Variants in GABPA observed in about 807,000 individuals in gnomAD.
GABPA encodes GA-binding protein alpha chain.
In GABPA, 4 loss-of-function variants were observed where a neutral mutation model predicts 59.4. That is an observed-to-expected ratio of 0.07 (90% CI 0.03 to 0.15). The LOEUF is 0.15. Ranked by LOEUF, GABPA falls within the 10% of genes least tolerant of loss-of-function variation. GABPA has a pLI of 1.00. For missense variants in GABPA, 251 were observed against 543.8 expected (o/e 0.46, Z 5.36); for synonymous variants, 164 against 183.1 (o/e 0.90, Z 0.84).
intron 5 of GABPA, among the ~76,000 whole-genome samples, chr21:25,755,170 C>T (rs1418567533): frequency 2.0e-5 from 3 of 151,308 alleles, no homozygotes; most frequent in Non-Finnish European, 1.5e-5. Flanking sequence ...AATTTCAGGC[C>T]AGGTGTGTTG....
At position 25,739,735 on chromosome 21, in the gene GABPA, C is replaced by T. The variant is rs937032687; in HGVS notation, c.-26-1838C>T. ...TCTCAAGCGATCTTCTCACTTCAGC[C>T]TCCCAAGTAGCTAGGACAACAGTTG... On this transcript the variant is annotated intron_variant, in intron 1 of 9. Coordinates refer to ENST00000400075, the MANE Select transcript of GABPA (RefSeq NM_002040.4). Among the ~76,000 whole-genome samples the T allele has an allele frequency of 3.4e-4, 52 of 152,218 alleles. 1 individual carries two copies. Among genetic ancestry groups the T allele is most frequent in the Admixed American group, 9.8e-4 (15 of 15,286 alleles).
chr21:25,750,918 A>G (rs71649694), intron 4 of GABPA, among the ~76,000 whole-genome samples: 1,755 of 152,308 alleles, frequency 0.012, 36 homozygotes, highest in African/African-American at 0.04. Context: ...GTATATTTGA[A>G]AAATGATTCT....
At chr21:25,752,280 A>T (rs2035531877) in intron 5 of GABPA, 46 bp downstream of exon 5, 1 of 1,577,686 alleles carries the variant, frequency 6.3e-7, no homozygotes. Context: ...ATAGGAATTA[A>T]GCTTGACATA....
chr21:25,737,127 A>T (rs1439086138), intron 1 of GABPA, among the ~76,000 whole-genome samples: 1 of 152,240 alleles, frequency 6.6e-6, no homozygotes, highest in Non-Finnish European at 1.5e-5. Flanking sequence ...TTTAGTTTGT[A>T]TCCCATCTTG....
chr21:25,741,283 G>A (rs1292047361), intron 1 of GABPA, among the ~76,000 whole-genome samples: 2 of 151,956 alleles, frequency 1.3e-5, no homozygotes, highest in Non-Finnish European at 2.9e-5. Context: ...ACAGGCGCGT[G>A]CCACCACGCC....
intron 5 of GABPA, among the ~76,000 whole-genome samples, chr21:25,754,013 T>C (rs953490178): frequency 5.9e-5 from 9 of 152,116 alleles, no homozygotes; most frequent in Non-Finnish European, 1.3e-4. Context: ...AGACAGCTAA[T>C]GTAGAATTTC....
chr21:25,761,934 C>A (rs977384186), intron 6 of GABPA, among the ~76,000 whole-genome samples: 1 of 152,064 alleles, frequency 6.6e-6, no homozygotes, highest in Non-Finnish European at 1.5e-5. Context: ...GGTGGAGATA[C>A]GTACCTAAAT....
chr21:25,756,688 A>G (rs1023916625), intron 5 of GABPA, among the ~76,000 whole-genome samples: 1 of 152,128 alleles, frequency 6.6e-6, no homozygotes, highest in African/African-American at 2.4e-5. Flanking sequence ...AGCTAAGACC[A>G]TGGAGGTCTT....
At chr21:25,768,932 G>C in intron 9 of GABPA, 72 bp from the exon 10 acceptor site, 1 of 984,888 alleles carries the variant, frequency 1.0e-6, no homozygotes, top group Admixed American at 1.9e-5. Context: ...TCTGCTTATG[G>C]AATAGTCTGT....
intron 6 of GABPA, among the ~76,000 whole-genome samples, chr21:25,758,936 G>T (rs1028982102): frequency 6.6e-6 from 1 of 152,122 alleles, no homozygotes; most frequent in Non-Finnish European, 1.5e-5. Flanking sequence ...CGGACAAGGT[G>T]GTGCGTGTCT....
chr21:25,761,935 G>T (rs186112979), intron 6 of GABPA, among the ~76,000 whole-genome samples: 10 of 152,066 alleles, frequency 6.6e-5, no homozygotes, highest in African/African-American at 2.4e-4. Context: ...GTGGAGATAC[G>T]TACCTAAATA....
Position 25,769,595 on chromosome 21 carries a change from C to G in GABPA, c.*363C>G, listed in dbSNP as rs1237549341. 1 of 165,322 alleles carries G rather than the reference C, an allele frequency of 6.0e-6. No individual in the cohort carries two copies. Among genetic ancestry groups the G allele is most frequent in the Non-Finnish European group, 1.3e-5 (1 of 75,550 alleles). The allele number at this position is 165,322 out of a possible 1,614,324, so 10.2% of individuals were successfully genotyped here. A position where few individuals can be genotyped will look rare whatever the true frequency, so the allele number is the denominator to read the frequency against. ...GAAGTATCTCTAGGAAACAGTCTGG[C>G]TTAACTATTTTTGAAAATATAACTG... On this transcript the variant is annotated 3_prime_UTR_variant, in exon 10 of 10. Coordinates refer to ENST00000400075, the MANE Select transcript of GABPA (RefSeq NM_002040.4).
Position 25,770,408 on chromosome 21 carries a change from A to G in GABPA, c.*1176A>G, listed in dbSNP as rs2035986320. ...AAATTATTAAACAACTCATTTTAAG[A>G]TTCAAATTAACTAATTCCTGCATAT... On this transcript the variant is annotated 3_prime_UTR_variant, in exon 10 of 10. Transcript: ENST00000400075. 6.6e-6 allele frequency: 1 copy of G among 152,158 alleles called. No homozygotes were observed. The highest frequency in any genetic ancestry group is 2.1e-4 in the South Asian group (1 of 4,828). The allele number at this position is 152,158 out of a possible 1,614,324, so 9.4% of individuals were successfully genotyped here.
chr21:25,759,682 A>G (rs1261482175), intron 6 of GABPA, among the ~76,000 whole-genome samples: 1 of 152,044 alleles, frequency 6.6e-6, no homozygotes, highest in Non-Finnish European at 1.5e-5. Flanking sequence ...CATTCTTACT[A>G]GATAAGTAAG....
In GABPA at chr21:25,770,685, G is replaced by C. The variant is rs1299338622; in HGVS notation, c.*1453G>C. 1 of 152,150 alleles carries C rather than the reference G, an allele frequency of 6.6e-6. No individual in the cohort carries two copies. The highest frequency in any genetic ancestry group is 1.5e-5 in the Non-Finnish European group (1 of 67,912). The allele number at this position is 152,150 out of a possible 1,614,324, so 9.4% of individuals were successfully genotyped here. On this transcript the variant is annotated 3_prime_UTR_variant, in exon 10 of 10. Coordinates refer to ENST00000400075, the MANE Select transcript of GABPA (RefSeq NM_002040.4). ...TCAGTTAATGCTTTTGACTTAACTA[G>C]GAGAAAAAGGCATGATAATACAGGC...
chr21:25,764,650 G>T lies in GABPA; in HGVS notation c.999G>T (p.Lys333Asn). 4 of 1,612,326 alleles carry T rather than the reference G, an allele frequency of 2.5e-6. No individual in the cohort carries two copies. The highest frequency in any genetic ancestry group is 3.4e-6 in the Non-Finnish European group (4 of 1,178,966). Residue 333 changes from lysine (K) to asparagine (N), a missense_variant, in exon 9 of 10, where the codon AAG becomes AAT. Lys to Asn is a moderately conservative substitution (Grantham distance 94). Around this residue, in one of 4 missense-constraint regions of GABPA, gnomAD observed 21 missense variants for 79.8 expected, o/e 0.26. Coordinates refer to ENST00000400075, the MANE Select transcript of GABPA (RefSeq NM_002040.4). ...TTTTGCTAGAACTTCTTACTGATAA[G>T]GACGCTCGAGACTGCATTTCTTGGG... ...WQFLLELLTDKDARDCISWVG... is the reference protein window; with the variant it reads ...WQFLLELLTDNDARDCISWVG...
chr21:25,736,488 C>T (rs2035066484), intron 1 of GABPA, among the ~76,000 whole-genome samples: 1 of 152,118 alleles, frequency 6.6e-6, no homozygotes, highest in African/African-American at 2.4e-5. Flanking sequence ...TCCAGGCTTT[C>T]CAAGCTTCTT....
chr21:25,758,110 G>A lies in GABPA; in HGVS notation c.654G>A (p.Ser218=), dbSNP rs760955875. ...TDIDLTTLNI[S]GRELCSLNQE... ...TAGACCTCACCACACTCAACATTTC[G>A]GGGAGAGAATTATGTAGTCTCAACC... The change falls in exon 6 of 10, where the codon TCG becomes TCA. Residue 218 remains serine, a synonymous_variant. Transcript: ENST00000400075. The A allele has an allele frequency of 1.6e-5, 26 of 1,611,194 alleles. No homozygotes were observed. Among genetic ancestry groups the A allele is most frequent in the African/African-American group, 2.7e-5 (2 of 74,722 alleles).
intron 5 of GABPA, among the ~76,000 whole-genome samples, chr21:25,754,427 T>A (rs13048428): frequency 0.091 from 13,797 of 152,152 alleles, 748 homozygotes; most frequent in Middle Eastern, 0.16. Context: ...GCTGCATCTT[T>A]TTTCTTGTTT....
Sources: allele counts gnomAD v4.1 joint callset (sites outside exome capture counted in the v4.1 genomes callset), GRCh38; gene constraint gnomAD v4.1.1; regional missense constraint gnomAD v4.1.1; transcripts MANE v1.5; gene names NCBI Gene and HGNC (gene_info 2026-07-23, HGNC 2026-07-21).